The following CCDC192 variants were observed in gnomAD, a reference collection of about 807,000 sequenced individuals.
The protein encoded by CCDC192 is coiled-coil domain-containing protein 192.
intron 5 of CCDC192, among the ~76,000 whole-genome samples, chr5:127,861,855 G>A (rs755896367): frequency 5.6e-4 from 86 of 152,256 alleles, no homozygotes; most frequent in Non-Finnish European, 8.5e-4. Context: ...ATGGAGTTAG[G>A]AAAAGGACTT....
intron 5 of CCDC192, among the ~76,000 whole-genome samples, chr5:127,821,010 T>C (rs997313080): frequency 6.6e-6 from 1 of 152,142 alleles, no homozygotes; most frequent in Non-Finnish European, 1.5e-5. Flanking sequence ...CCCATCCCTA[T>C]AGTATCCACA....
intron 3 of CCDC192, among the ~76,000 whole-genome samples, chr5:127,777,660 C>T (rs1755948149): frequency 6.6e-6 from 1 of 152,284 alleles, no homozygotes; most frequent in African/African-American, 2.4e-5. Context: ...GTAAGTCCCA[C>T]ATGTTGTGGG....
chr5:127,899,779 A>T (rs1752989725), intron 6 of CCDC192, among the ~76,000 whole-genome samples: 1 of 152,144 alleles, frequency 6.6e-6, no homozygotes, highest in African/African-American at 2.4e-5. Flanking sequence ...AACAACCTGC[A>T]TGTTTATCTT....
intron 2 of CCDC192, among the ~76,000 whole-genome samples, chr5:127,718,837 AT>A (rs1751793990): frequency 6.6e-6 from 1 of 152,206 alleles, no homozygotes; most frequent in Non-Finnish European, 1.5e-5. Flanking sequence ...TAAATATATA[AT>A]AATCACAACA....
chr5:127,749,230 T>C (rs1472298890), intron 2 of CCDC192, among the ~76,000 whole-genome samples: 1 of 152,070 alleles, frequency 6.6e-6, no homozygotes, highest in African/African-American at 2.4e-5. Flanking sequence ...GCCCATTCAG[T>C]AGGATATTGG....
At chr5:127,735,349 A>T (rs994567141) in intron 2 of CCDC192, among the ~76,000 whole-genome samples, 2 of 147,314 alleles carry the variant, frequency 1.4e-5, no homozygotes, top group African/African-American at 5.3e-5. Flanking sequence ...TATAGTTTGA[A>T]GTCAGGTAGT....
At chr5:127,864,958 T>C (rs931815719) in intron 5 of CCDC192, among the ~76,000 whole-genome samples, 9 of 152,116 alleles carry the variant, frequency 5.9e-5, no homozygotes, top group African/African-American at 9.7e-5. Context: ...CCATCCTGGC[T>C]AACATGGTGA....
chr5:127,704,168 G>A (rs553055067), intron 1 of CCDC192, among the ~76,000 whole-genome samples: 9 of 152,156 alleles, frequency 5.9e-5, no homozygotes, highest in African/African-American at 2.2e-4. Context: ...TGCAACCATG[G>A]TTCTGCTTTT....
At chr5:127,877,928 C>T (rs558908412) in intron 6 of CCDC192, among the ~76,000 whole-genome samples, 53 of 152,056 alleles carry the variant, frequency 3.5e-4, no homozygotes, top group Non-Finnish European at 6.6e-4. Flanking sequence ...GGTGATTTAC[C>T]GGCACATGTA....
At chr5:127,775,190 G>A (rs1755786575) in intron 3 of CCDC192, among the ~76,000 whole-genome samples, 1 of 152,060 alleles carries the variant, frequency 6.6e-6, no homozygotes, top group African/African-American at 2.4e-5. Context: ...AACTTGCCTG[G>A]GAGCATTCCT....
chr5:127,863,619 A>G (rs1751466790), intron 5 of CCDC192, among the ~76,000 whole-genome samples: 1 of 152,208 alleles, frequency 6.6e-6, no homozygotes, highest in Admixed American at 6.5e-5. Flanking sequence ...CTTTCTGGAA[A>G]TTGGTTGCAC....
At chr5:127,847,821 T>TTAAAAAAA (rs145038868) in intron 5 of CCDC192, among the ~76,000 whole-genome samples, 1 of 142,782 alleles carries the variant, frequency 7.0e-6, no homozygotes. Flanking sequence ...AGACTCCATC[T>TTAAAAAAA]TAAATAAATA....
At chr5:127,795,486 ATTC>A (rs1580671624) in intron 3 of CCDC192, among the ~76,000 whole-genome samples, 1 of 152,110 alleles carries the variant, frequency 6.6e-6, no homozygotes, top group East Asian at 1.9e-4. Flanking sequence ...GATAAGTAGT[ATTC>A]TTTTCATCCC....
chr5:127,746,964 T>A (rs1371247801), intron 2 of CCDC192, among the ~76,000 whole-genome samples: 1 of 152,056 alleles, frequency 6.6e-6, no homozygotes, highest in Admixed American at 6.6e-5. Flanking sequence ...GGCTCTATTG[T>A]ATCATCAGGA....
chr5:127,810,753 C>G (rs1205044132), intron 5 of CCDC192, among the ~76,000 whole-genome samples: 1 of 152,190 alleles, frequency 6.6e-6, no homozygotes, highest in Non-Finnish European at 1.5e-5. Flanking sequence ...ATAAGCTTCA[C>G]AGGGCAGTTT....
intron 3 of CCDC192, among the ~76,000 whole-genome samples, chr5:127,788,450 G>A (rs1242609295): frequency 2.0e-5 from 3 of 151,954 alleles, no homozygotes; most frequent in Non-Finnish European, 4.4e-5. Context: ...CATATAATTG[G>A]ATCACACTTT....
chr5:127,851,845 A>G (rs547957685), intron 5 of CCDC192, among the ~76,000 whole-genome samples: 4 of 152,340 alleles, frequency 2.6e-5, no homozygotes, highest in African/African-American at 7.2e-5. Context: ...AAGAAAAATG[A>G]CTTACATTGA....
At chr5:127,805,806 G>A (rs1757751439) in intron 5 of CCDC192, among the ~76,000 whole-genome samples, 1 of 152,184 alleles carries the variant, frequency 6.6e-6, no homozygotes, top group Non-Finnish European at 1.5e-5. Context: ...TATCTGCACT[G>A]GATGATTATT....
intron 2 of CCDC192, among the ~76,000 whole-genome samples, chr5:127,715,607 A>G (rs543307089): frequency 6.6e-6 from 1 of 152,218 alleles, no homozygotes; most frequent in South Asian, 2.1e-4. Flanking sequence ...TGTTTTTTCT[A>G]TTTCTGTGAA....
Sources: allele counts gnomAD v4.1 joint callset (sites outside exome capture counted in the v4.1 genomes callset), GRCh38; gene constraint gnomAD v4.1.1; transcripts MANE v1.5; gene names NCBI Gene and HGNC (gene_info 2026-07-23, HGNC 2026-07-21).